Variants in ZBP1 observed in about 807,000 individuals in gnomAD.
ZBP1 encodes the protein Z-DNA binding protein 1, also known as Z-DNA-binding protein 1.
A neutral mutation model predicts 41.1 loss-of-function variants in ZBP1; 42 were observed. The ratio of observed to expected loss-of-function variants is 1.02; its 90% confidence interval spans 0.80 to 1.32. ZBP1 has a LOEUF of 1.32. ZBP1 is among the 40% of genes most tolerant of loss of function. The pLI is 0.00. For synonymous variants in ZBP1, 214 were observed against 205.2 expected (o/e 1.04, Z -0.37); for missense variants, 562 against 549.7 (o/e 1.02, Z -0.22).
At chr20:57,608,754 G>T (rs1259706686) in intron 7 of ZBP1, among the ~76,000 whole-genome samples, 1 of 149,502 alleles carries the variant, frequency 6.7e-6, no homozygotes, top group African/African-American at 2.4e-5. Flanking sequence ...TGGGGCCAGG[G>T]TCTCCTCAGT....
At chr20:57,609,534 G>A (rs1568928374) in intron 7 of ZBP1, among the ~76,000 whole-genome samples, 2 of 151,550 alleles carry the variant, frequency 1.3e-5, no homozygotes, top group Non-Finnish European at 2.9e-5. Flanking sequence ...ACCCTCTCTC[G>A]CCCCTCTGCT....
At chr20:57,617,143 G>A (rs2146595813) in intron 1 of ZBP1, 2 of 154,098 alleles carry the variant, frequency 1.3e-5, no homozygotes, top group Non-Finnish European at 2.9e-5. Context: ...TGGCCCGCCA[G>A]CTCCAGTCAG....
intron 1 of ZBP1, 35 bp downstream of exon 1, chr20:57,620,227 C>T (rs374972983): frequency 3.2e-6 from 5 of 1,567,570 alleles, no homozygotes; most frequent in Non-Finnish European, 4.3e-6. Context: ...ACCCCGGGAG[C>T]TACCGCTGGT....
At chr20:57,605,844 G>C (rs1453806877) in intron 7 of ZBP1, among the ~76,000 whole-genome samples, 1 of 152,158 alleles carries the variant, frequency 6.6e-6, no homozygotes, top group Non-Finnish European at 1.5e-5. Context: ...TGAAGCAAAA[G>C]AATCCCTTGA....
chr20:57,609,055 C>T (rs565440150), intron 7 of ZBP1, among the ~76,000 whole-genome samples: 5 of 152,336 alleles, frequency 3.3e-5, no homozygotes, highest in South Asian at 4.1e-4. Flanking sequence ...GCCTTAGCAT[C>T]GACTGCAGCC....
At chr20:57,607,419 G>C (rs989129338) in intron 7 of ZBP1, 1 of 1,174,424 alleles carries the variant, frequency 8.5e-7, no homozygotes, top group African/African-American at 1.6e-5. Context: ...TTATGGATGA[G>C]CAAAGAAAGT....
rs1202458212 is a variant in ZBP1 at position 57,604,327 on chromosome 20, C to T, written c.*246G>A. The T allele has an allele frequency of 3.1e-6, 2 of 645,444 alleles. No homozygotes were observed. The highest frequency in any genetic ancestry group is 1.5e-5 in the South Asian group (1 of 66,192). The allele number at this position is 645,444 out of a possible 1,614,324, so 40.0% of individuals were successfully genotyped here. ...GGGGACCGAGCCCCACTCCCATCTA[C>T]CCACCTCCTCTTGGCACACCAAAGG... On this transcript the variant is annotated 3_prime_UTR_variant, in exon 8 of 8. Coordinates refer to ENST00000371173, the MANE Select transcript of ZBP1 (RefSeq NM_030776.3).
chr20:57,605,978 A>G (rs1365730336), intron 7 of ZBP1, among the ~76,000 whole-genome samples: 9 of 152,192 alleles, frequency 5.9e-5, no homozygotes, highest in Non-Finnish European at 1.2e-4. Context: ...AACGGCCTCT[A>G]TGTGCTAAAG....
intron 4 of ZBP1, 111 bp downstream of exon 4, chr20:57,614,776 A>T: frequency 7.1e-7 from 1 of 1,406,042 alleles, no homozygotes; most frequent in Non-Finnish European, 9.7e-7. Context: ...TAGGACCTCC[A>T]GAAGCTTCTA....
chr20:57,611,248 A>T (rs1028001569), intron 6 of ZBP1, among the ~76,000 whole-genome samples: 1 of 151,502 alleles, frequency 6.6e-6, no homozygotes, highest in Non-Finnish European at 1.5e-5. Context: ...GCTTTATTTT[A>T]TTCATTTATT....
At chr20:57,618,274 G>A (rs1165879211) in intron 1 of ZBP1, among the ~76,000 whole-genome samples, 1 of 152,086 alleles carries the variant, frequency 6.6e-6, no homozygotes, top group Non-Finnish European at 1.5e-5. Flanking sequence ...AGCCCTTCTT[G>A]GAAAGACCTG....
rs992460034 is a variant in ZBP1, at chr20:57,614,900, C to T, written c.489G>A (p.Thr163=). 5.6e-6 allele frequency: 9 copies of T among 1,614,026 alleles called. No individual in the cohort carries two copies. The highest frequency in any genetic ancestry group is 2.2e-5 in the East Asian group (1 of 44,894). ...LDMDEQSKAW[T]IYRPEDSGRR... ...CCGGGGGCCTACCTGGGCGGTAAAT[C>T]GTCCATGCTTTGGACTGCTCATCCA... The change falls in exon 4 of 8, where the codon ACG becomes ACA. Residue 163 remains threonine, a synonymous_variant. Transcript: ENST00000371173.
chr20:57,615,066 A>G lies in ZBP1; in HGVS notation c.329-6T>C. ...AAACCTGTAGATGTCTTCCTCTGGG[A>G]GGCAGGATGGCCAGGTGGTTAGGGA... On this transcript the variant is annotated splice_polypyrimidine_tract_variant and splice_region_variant and intron_variant, in intron 3 of 7. Coordinates refer to ENST00000371173, the MANE Select transcript of ZBP1 (RefSeq NM_030776.3). 7 of 1,614,060 alleles carry G rather than the reference A, an allele frequency of 4.3e-6. No individual in the cohort carries two copies. The highest frequency in any genetic ancestry group is 5.9e-6 in the Non-Finnish European group (7 of 1,179,980).
intron 5 of ZBP1, among the ~76,000 whole-genome samples, chr20:57,612,642 G>T (rs1600734462): frequency 1.3e-5 from 2 of 152,182 alleles, no homozygotes; most frequent in Non-Finnish European, 2.9e-5. Context: ...CCCGGCACAG[G>T]GTAAGTGCTC....
chr20:57,609,002 A>T (rs2070573827), intron 7 of ZBP1, among the ~76,000 whole-genome samples: 1 of 152,272 alleles, frequency 6.6e-6, no homozygotes, highest in Admixed American at 6.5e-5. Context: ...CAAAAATCTC[A>T]TCCAGCCCCT....
At position 57,613,970 on chromosome 20, in the gene ZBP1, C is replaced by T. The variant is rs1414955440; in HGVS notation, c.503-640G>A. On this transcript the variant is annotated intron_variant, in intron 4 of 7. Coordinates refer to ENST00000371173, the MANE Select transcript of ZBP1 (RefSeq NM_030776.3). This position sits in a 1 kb window ranked among gnomAD's most constrained non-coding sequence, Gnocchi z 4.5. ...CCTGTGCCTTTGTGGGCCCTTCCCCCATACACAAATATTTAAATTACATTG... is the reference window on the plus strand; with the variant it reads ...CCTGTGCCTTTGTGGGCCCTTCCCCTATACACAAATATTTAAATTACATTG... 2.0e-5 allele frequency among the ~76,000 whole-genome samples: 3 copies of T among 152,330 alleles called. No homozygotes were observed. The highest frequency in any genetic ancestry group is 1.9e-4 in the East Asian group (1 of 5,180).
At chr20:57,620,187 G>A (rs554234833) in intron 1 of ZBP1, 75 bp downstream of exon 1, 85 of 1,513,792 alleles carry the variant, frequency 5.6e-5, no homozygotes, top group Admixed American at 9.8e-5. Context: ...TGGACCAAGC[G>A]AAACAGGAGG....
At position 57,610,034 on chromosome 20, in the gene ZBP1, C is replaced by G. The variant is rs1489474667; in HGVS notation, c.1093+115G>C. 8.0e-7 allele frequency: 1 copy of G among 1,247,266 alleles called. No individual in the cohort carries two copies. The highest frequency in any genetic ancestry group is 2.4e-5 in the East Asian group (1 of 41,112). The allele number at this position is 1,247,266 out of a possible 1,614,324, so 77.3% of individuals were successfully genotyped here. On this transcript the variant is annotated intron_variant, in intron 7 of 7. Coordinates refer to ENST00000371173, the MANE Select transcript of ZBP1 (RefSeq NM_030776.3). The surrounding 1 kb of genome is among the most constrained non-coding windows in gnomAD (Gnocchi z 5.5). ...TCCTCGCTGTGGGTGGGCACAGCCTCCAGACTCCGGGAAACCAGAGATTAG... is the reference window on the plus strand; with the variant it reads ...TCCTCGCTGTGGGTGGGCACAGCCTGCAGACTCCGGGAAACCAGAGATTAG...
At chr20:57,611,145 G>C (rs1000804787) in intron 6 of ZBP1, among the ~76,000 whole-genome samples, 2 of 152,196 alleles carry the variant, frequency 1.3e-5, no homozygotes, top group African/African-American at 4.8e-5. Flanking sequence ...CCCTGCTCCA[G>C]TTGGCCCAGC....
Sources: allele counts gnomAD v4.1 joint callset (sites outside exome capture counted in the v4.1 genomes callset), GRCh38; gene constraint gnomAD v4.1.1; non-coding constraint Gnocchi (gnomAD v3.1); transcripts MANE v1.5; gene names NCBI Gene and HGNC (gene_info 2026-07-23, HGNC 2026-07-21).